ADAMTSL3: variants seen among roughly 807,000 people sequenced by gnomAD.
The protein encoded by ADAMTSL3 is ADAMTS-like protein 3.
Under a neutral mutation model 201.7 loss-of-function variants are expected in ADAMTSL3, and 128 were observed. The observed-to-expected ratio is 0.63, with a 90% confidence interval of 0.55 to 0.73. The LOEUF is 0.73. ADAMTSL3 is among the 30% of genes least tolerant of loss of function. ADAMTSL3 has a pLI of 0.00. For synonymous variants in ADAMTSL3, 738 were observed against 748.4 expected (o/e 0.99, Z 0.23); for missense variants, 1,990 against 2,119.6 (o/e 0.94, Z 1.20).
chr15:84,028,442 A>G (rs545636641), intron 27 of ADAMTSL3, among the ~76,000 whole-genome samples: 4 of 152,344 alleles, frequency 2.6e-5, no homozygotes, highest in South Asian at 4.1e-4. Context: ...TAAGCATAAA[A>G]TAAATTATAA....
chr15:83,944,398 G>A (rs760449574), intron 19 of ADAMTSL3, among the ~76,000 whole-genome samples: 29 of 152,228 alleles, frequency 1.9e-4, no homozygotes, highest in Middle Eastern at 3.4e-3. Flanking sequence ...ACTGCTAACT[G>A]GTAGGTATCT....
intron 6 of ADAMTSL3, among the ~76,000 whole-genome samples, chr15:83,832,260 C>T (rs866178063): frequency 3.8e-4 from 57 of 151,228 alleles, no homozygotes; most frequent in Admixed American, 1.0e-3. Context: ...GCTCACTACT[C>T]GCCACCCCCT....
At chr15:83,922,201 A>G (rs1444077194) in intron 16 of ADAMTSL3, among the ~76,000 whole-genome samples, 1 of 152,184 alleles carries the variant, frequency 6.6e-6, no homozygotes, top group Non-Finnish European at 1.5e-5. Context: ...TGTAGGACCA[A>G]TGTATGGGAT....
chr15:83,901,163 A>G (rs113508291), intron 15 of ADAMTSL3, among the ~76,000 whole-genome samples: 3 of 152,270 alleles, frequency 2.0e-5, no homozygotes, highest in African/African-American at 7.2e-5. Context: ...CACAGAAGAA[A>G]CTGTGGACCA....
chr15:83,807,716 C>T (rs185909953), intron 5 of ADAMTSL3, among the ~76,000 whole-genome samples: 2 of 152,244 alleles, frequency 1.3e-5, no homozygotes, highest in Admixed American at 6.5e-5. Flanking sequence ...AAACTGGAGG[C>T]ATCACACTAC....
chr15:83,949,890 C>A (rs929790283), intron 19 of ADAMTSL3, among the ~76,000 whole-genome samples: 1 of 151,712 alleles, frequency 6.6e-6, no homozygotes, highest in Non-Finnish European at 1.5e-5. Flanking sequence ...TTGTGTGAGC[C>A]CCTTATATGT....
chr15:83,811,092 C>T (rs1388120231), intron 5 of ADAMTSL3, among the ~76,000 whole-genome samples: 2 of 152,116 alleles, frequency 1.3e-5, no homozygotes, highest in African/African-American at 4.8e-5. Context: ...GCATTGTTCT[C>T]CCACCTGGAT....
At chr15:83,915,174 G>C (rs377750304) in intron 16 of ADAMTSL3, among the ~76,000 whole-genome samples, 76 of 152,294 alleles carry the variant, frequency 5.0e-4, no homozygotes, top group African/African-American at 1.8e-3. Context: ...GCTGTTGCTT[G>C]CACACCCCAA....
intron 4 of ADAMTSL3, among the ~76,000 whole-genome samples, chr15:83,794,636 C>G (rs2063394744): frequency 6.6e-6 from 1 of 150,452 alleles, no homozygotes. Flanking sequence ...ACAGTAGTTG[C>G]TAGGTGTTAA....
intron 8 of ADAMTSL3, among the ~76,000 whole-genome samples, chr15:83,868,464 G>A (rs12900183): frequency 0.14 from 21,073 of 151,990 alleles, 1,895 homozygotes; most frequent in Middle Eastern, 0.33. Flanking sequence ...GAACTGCATC[G>A]GCCTCCACCT....
At chr15:83,677,628 G>A (rs549124269) in intron 2 of ADAMTSL3, among the ~76,000 whole-genome samples, 19 of 151,710 alleles carry the variant, frequency 1.3e-4, no homozygotes, top group Admixed American at 3.3e-4. Flanking sequence ...TGTTTTCATC[G>A]TTTACTTTGA....
intron 6 of ADAMTSL3, among the ~76,000 whole-genome samples, chr15:83,832,654 C>T (rs1412039485): frequency 6.6e-6 from 1 of 152,178 alleles, no homozygotes; most frequent in Non-Finnish European, 1.5e-5. Flanking sequence ...TGAGGGCCTA[C>T]TTCCTGCTTC....
At chr15:84,036,716 T>G (rs2068512629) in intron 28 of ADAMTSL3, 57 bp from the exon 29 acceptor site, 1 of 1,438,586 alleles carries the variant, frequency 7.0e-7, no homozygotes, top group Non-Finnish European at 9.4e-7. Context: ...CAGCAAAAAG[T>G]TACACCCTGC....
At position 84,012,933 on chromosome 15, in the gene ADAMTSL3, C is replaced by T. The variant is rs562672923; in HGVS notation, c.3974-1609C>T. ...GAAATCTAAAGGGCTTTGCCCAAGG[C>T]TACAGAACTAATAACTATTGAGAAT... On this transcript the variant is annotated intron_variant, in intron 23 of 29. Coordinates refer to ENST00000286744, the MANE Select transcript of ADAMTSL3 (RefSeq NM_207517.3). Among the ~76,000 whole-genome samples, 15 of 152,342 alleles carry T rather than the reference C, an allele frequency of 9.8e-5. No individual in the cohort carries two copies. The South Asian group carries it at 3.1e-3, about 32-fold the overall frequency.
chr15:83,695,304 A>G (rs1009869366), intron 2 of ADAMTSL3, among the ~76,000 whole-genome samples: 1 of 8,608 alleles, frequency 1.2e-4, no homozygotes, highest in Non-Finnish European at 2.7e-4. Flanking sequence ...AGAGAGAGGG[A>G]GAGAGAAAAT....
chr15:84,031,472 A>C, intron 28 of ADAMTSL3, 40 bp downstream of exon 28: 1 of 1,562,024 alleles, frequency 6.4e-7, no homozygotes, highest in Non-Finnish European at 8.8e-7. Context: ...TTCTCTCCTG[A>C]CTCACTCAGG....
rs56159777 is a variant in ADAMTSL3 at position 83,870,527 on chromosome 15, A to G, written c.803-275A>G. 0.22 allele frequency among the ~76,000 whole-genome samples: 32,953 copies of G among 152,152 alleles called. 4,234 individuals carry two copies. The highest frequency in any genetic ancestry group is 0.28 in the Non-Finnish European group (19,234 of 67,984). On this transcript the variant is annotated intron_variant, in intron 8 of 29. Transcript: ENST00000286744. ...TTAGCTAAATCATGAAAACATATAA[A>G]GAAAGAAAAGTTTTCTCTTTCCCCT...
chr15:83,888,413 T>C (rs1014078474), intron 10 of ADAMTSL3, among the ~76,000 whole-genome samples: 4 of 149,442 alleles, frequency 2.7e-5, no homozygotes, highest in Admixed American at 6.7e-5. Flanking sequence ...ATTTTTTTTT[T>C]CTGACTCAAG....
At chr15:83,798,825 CA>C (rs1054703300) in intron 4 of ADAMTSL3, among the ~76,000 whole-genome samples, 13 of 118,590 alleles carry the variant, frequency 1.1e-4, no homozygotes, top group East Asian at 2.5e-4. Flanking sequence ...AAAAAAAAAA[CA>C]AAAAAAAAGG....
Sources: allele counts gnomAD v4.1 joint callset (sites outside exome capture counted in the v4.1 genomes callset), GRCh38; gene constraint gnomAD v4.1.1; transcripts MANE v1.5; gene names NCBI Gene and HGNC (gene_info 2026-07-23, HGNC 2026-07-21).